The following THSD7A variants were observed in gnomAD, a reference collection of about 807,000 sequenced individuals.
The protein encoded by THSD7A is thrombospondin type 1 domain containing 7A, also known as thrombospondin type-1 domain-containing protein 7A.
In THSD7A, 96 loss-of-function variants were observed where a neutral mutation model predicts 231.3. The observed-to-expected ratio is 0.41, with a 90% CI of 0.35 to 0.49. THSD7A has a LOEUF of 0.49. Ranked by LOEUF, THSD7A falls within the 20% of genes least tolerant of loss-of-function variation. The pLI is 0.05. For missense variants in THSD7A, 2,290 were observed against 2,070.2 expected, an observed-to-expected ratio of 1.11 and a Z score of -2.06; for synonymous variants, 940 against 743.3, an observed-to-expected ratio of 1.26 and a Z score of -4.30.
At chr7:11,735,126 A>C (rs1526536) in intron 1 of THSD7A, among the ~76,000 whole-genome samples, 87,451 of 151,520 alleles carry the variant, frequency 0.58, 25,319 homozygotes, top group Admixed American at 0.6. Context: ...AATTCTTAGT[A>C]CTCTTGGAGT....
At position 11,523,970 on chromosome 7, in the gene THSD7A, CAT is replaced by C. The variant is rs1344528996; in HGVS notation, c.1822+17447_1822+17448del. Among the ~76,000 whole-genome samples, 32 of 152,214 alleles carry C rather than the reference CAT, an allele frequency of 2.1e-4. No homozygotes were observed. The East Asian group carries it at 4.2e-3, about 20-fold the overall frequency. On this transcript the variant is annotated intron_variant, in intron 6 of 27. Coordinates refer to ENST00000423059, the MANE Select transcript of THSD7A (RefSeq NM_015204.3). ...AGATTATTATATTTGAGGTTTATAA[CAT>C]ATGTGATTAAACAACATTTCATAGT...
At chr7:11,501,507 A>C (rs1281776205) in intron 6 of THSD7A, among the ~76,000 whole-genome samples, 1 of 152,220 alleles carries the variant, frequency 6.6e-6, no homozygotes, top group East Asian at 1.9e-4. Flanking sequence ...CATAGAAATT[A>C]AACAACATGC....
intron 23 of THSD7A, among the ~76,000 whole-genome samples, chr7:11,395,802 AG>A (rs1437576713): frequency 6.6e-6 from 1 of 152,198 alleles, no homozygotes; most frequent in African/African-American, 2.4e-5. Flanking sequence ...CTGGGATTAC[AG>A]GCATGAGCCA....
At chr7:11,505,642 G>A (rs1274166464) in intron 6 of THSD7A, among the ~76,000 whole-genome samples, 8 of 152,114 alleles carry the variant, frequency 5.3e-5, no homozygotes, top group Non-Finnish European at 1.0e-4. Flanking sequence ...GCTTGGATGG[G>A]TTCAGGAAGA....
intron 1 of THSD7A, among the ~76,000 whole-genome samples, chr7:11,693,419 T>G (rs1386087723): frequency 6.6e-6 from 1 of 151,566 alleles, no homozygotes; most frequent in Non-Finnish European, 1.5e-5. Flanking sequence ...ATACGCTGTC[T>G]ACAAATTGTA....
rs1245747173 is a variant in THSD7A at position 11,376,572 on chromosome 7, A to T, written c.4887T>A (p.Ala1629=). Residue 1629 remains alanine (A), a splice_region_variant and synonymous_variant, in exon 27 of 28, where the codon GCT becomes GCA. Coordinates refer to ENST00000423059, the MANE Select transcript of THSD7A (RefSeq NM_015204.3). The part of the protein sequence containing the change: ...LIFIVSMIYL[A]CKKPKKPQRR... ...TTTTTAATTATTTAAACACTCACCA[A>T]GCTAGATAAATCATGGAGACAATAA... 1 of 1,574,720 alleles carries T rather than the reference A, an allele frequency of 6.4e-7. No individual in the cohort carries two copies. The highest frequency in any genetic ancestry group is 1.4e-5 in the African/African-American group (1 of 73,918).
intron 4 of THSD7A, among the ~76,000 whole-genome samples, chr7:11,586,656 TA>T (rs1487300369): frequency 1.3e-5 from 2 of 152,224 alleles, no homozygotes; most frequent in African/African-American, 4.8e-5. Context: ...AAAGTGGGTT[TA>T]TGTGTGGAAA....
intron 11 of THSD7A, among the ~76,000 whole-genome samples, chr7:11,447,963 C>T (rs1358580415): frequency 6.6e-6 from 1 of 152,058 alleles, no homozygotes; most frequent in Admixed American, 6.6e-5. Flanking sequence ...TATCTTGAAA[C>T]TGCATTGGCA....
intron 1 of THSD7A, among the ~76,000 whole-genome samples, chr7:11,782,795 A>T (rs527573160): frequency 3.0e-4 from 45 of 152,236 alleles, no homozygotes; most frequent in Non-Finnish European, 8.8e-5. Flanking sequence ...TTTTTTTAGC[A>T]TTAGGGACTT....
intron 1 of THSD7A, among the ~76,000 whole-genome samples, chr7:11,791,367 ATACTG>A: frequency 6.6e-6 from 1 of 152,100 alleles, no homozygotes; most frequent in Non-Finnish European, 1.5e-5. Context: ...CTTTCCTCTC[ATACTG>A]ATAAATGTTA....
chr7:11,491,388 T>C (rs961858903), intron 6 of THSD7A, among the ~76,000 whole-genome samples: 2 of 147,746 alleles, frequency 1.4e-5, no homozygotes, highest in African/African-American at 5.0e-5. Flanking sequence ...CTAAGACACA[T>C]GGCATTCTAT....
chr7:11,649,626 T>TA (rs1248901391), intron 1 of THSD7A, among the ~76,000 whole-genome samples: 1 of 151,994 alleles, frequency 6.6e-6, no homozygotes, highest in Non-Finnish European at 1.5e-5. Flanking sequence ...CTGAAGGCCC[T>TA]AAAAGTGACT....
At chr7:11,602,743 T>G (rs1005999586) in intron 2 of THSD7A, among the ~76,000 whole-genome samples, 4 of 151,774 alleles carry the variant, frequency 2.6e-5, no homozygotes, top group African/African-American at 7.3e-5. Flanking sequence ...ATAATGCCAT[T>G]GAAACATGTG....
chr7:11,822,127 T>G (rs1008927736), intron 1 of THSD7A, among the ~76,000 whole-genome samples: 12 of 152,138 alleles, frequency 7.9e-5, no homozygotes, highest in Non-Finnish European at 1.2e-4. Flanking sequence ...AAGTTAGGAC[T>G]TCTAGGATAT....
At chr7:11,662,374 G>A (rs1279645073) in intron 1 of THSD7A, among the ~76,000 whole-genome samples, 1 of 151,310 alleles carries the variant, frequency 6.6e-6, no homozygotes, top group African/African-American at 2.4e-5. Context: ...TTCTAAATTT[G>A]TATGTGCCTA....
chr7:11,542,306 A>G (rs554988850), intron 5 of THSD7A, among the ~76,000 whole-genome samples: 1 of 152,330 alleles, frequency 6.6e-6, no homozygotes, highest in South Asian at 2.1e-4. Flanking sequence ...GTTTATTGCT[A>G]TGTAAACATA....
chr7:11,742,148 T>G (rs1186864220), intron 1 of THSD7A, among the ~76,000 whole-genome samples: 2 of 151,952 alleles, frequency 1.3e-5, no homozygotes, highest in Non-Finnish European at 2.9e-5. Flanking sequence ...TACTTCTTGC[T>G]TATCATCTGG....
intron 16 of THSD7A, among the ~76,000 whole-genome samples, chr7:11,419,147 G>C (rs1295948413): frequency 6.6e-6 from 1 of 152,154 alleles, no homozygotes; most frequent in Non-Finnish European, 1.5e-5. Flanking sequence ...GTTAAGAACA[G>C]ATATCCAACA....
intron 6 of THSD7A, among the ~76,000 whole-genome samples, chr7:11,486,329 A>G (rs1786655937): frequency 6.6e-6 from 1 of 152,218 alleles, no homozygotes; most frequent in Admixed American, 6.5e-5. Flanking sequence ...GGAGTACATT[A>G]AACACGCACA....
Sources: allele counts gnomAD v4.1 joint callset (sites outside exome capture counted in the v4.1 genomes callset), GRCh38; gene constraint gnomAD v4.1.1; transcripts MANE v1.5; gene names NCBI Gene and HGNC (gene_info 2026-07-23, HGNC 2026-07-21).